GRM5: variants seen among roughly 807,000 people sequenced by gnomAD.
GRM5 encodes the protein glutamate metabotropic receptor 5.
Under a neutral mutation model 83.1 loss-of-function variants are expected in GRM5, and 19 were observed. The ratio of observed to expected loss-of-function variants is 0.23; its 90% CI spans 0.16 to 0.34. The LOEUF (loss-of-function observed/expected upper bound fraction) is 0.34. Ranked by LOEUF, GRM5 falls within the 10% of genes least tolerant of loss-of-function variation. The probability of loss-of-function intolerance (pLI) is 1.00; values close to 1 mark genes in which losing one functional copy is unlikely to be tolerated. For synonymous variants in GRM5, 675 were observed against 633.6 expected, an observed-to-expected ratio of 1.07 and a Z score of -0.98; for missense variants, 1,160 against 1,588.3, an observed-to-expected ratio of 0.73 and a Z score of 4.58.
chr11:88,520,815 C>G (rs1165208350), intron 9 of GRM5, among the ~76,000 whole-genome samples: 1 of 152,110 alleles, frequency 6.6e-6, no homozygotes, highest in African/African-American at 2.4e-5. Context: ...ATGACTCTTA[C>G]CAAATTCTCC....
intron 2 of GRM5, among the ~76,000 whole-genome samples, chr11:88,940,966 T>C (rs1392277143): frequency 1.3e-5 from 2 of 151,940 alleles, no homozygotes; most frequent in African/African-American, 4.8e-5. Flanking sequence ...GTTAAGTGCA[T>C]ACGCACAGTT....
At chr11:88,707,393 G>A (rs1016393654) in intron 3 of GRM5, among the ~76,000 whole-genome samples, 4 of 152,070 alleles carry the variant, frequency 2.6e-5, no homozygotes, top group African/African-American at 4.8e-5. Flanking sequence ...CACATGAGGG[G>A]AGATAGAGAT....
At chr11:88,994,677 A>G (rs1940120049) in intron 2 of GRM5, among the ~76,000 whole-genome samples, 1 of 148,724 alleles carries the variant, frequency 6.7e-6, no homozygotes, top group African/African-American at 2.4e-5. Flanking sequence ...TTTAACTCAG[A>G]TTAAGATTTT....
chr11:88,786,082 T>C (rs1476282305), intron 3 of GRM5, among the ~76,000 whole-genome samples: 2 of 152,146 alleles, frequency 1.3e-5, no homozygotes, highest in Non-Finnish European at 2.9e-5. Flanking sequence ...ATATTTGTCA[T>C]ACACTGTGCC....
In GRM5 at chr11:88,537,714, C is replaced by G. The variant is rs967200668; in HGVS notation, c.2631-12310G>C. ...TATGTAAATATATTGGAATGATTTA[C>G]TAGATATTCCATCAGATCTTGTGGT... On this transcript the variant is annotated intron_variant, in intron 8 of 9. Transcript: ENST00000305447. Among the ~76,000 whole-genome samples, 3 of 152,152 alleles carry G rather than the reference C, an allele frequency of 2.0e-5. No homozygotes were observed. The East Asian group carries it at 5.8e-4, about 29-fold the overall frequency.
At chr11:88,632,246 A>ATTT (rs1938994881) in intron 4 of GRM5, among the ~76,000 whole-genome samples, 1 of 94,274 alleles carries the variant, frequency 1.1e-5, no homozygotes, top group Non-Finnish European at 2.4e-5. Context: ...CACAGTATGT[A>ATTT]CTTTTTTTTT....
chr11:88,647,704 A>G (rs946826013), intron 4 of GRM5, among the ~76,000 whole-genome samples: 3 of 152,090 alleles, frequency 2.0e-5, no homozygotes, highest in South Asian at 2.1e-4. Flanking sequence ...ACTACCATCA[A>G]AGTGAACAGG....
At chr11:88,861,747 T>A (rs1200444440) in intron 2 of GRM5, among the ~76,000 whole-genome samples, 1 of 151,972 alleles carries the variant, frequency 6.6e-6, no homozygotes, top group African/African-American at 2.4e-5. Context: ...CCAGAGTGAG[T>A]GCTGGGATTA....
intron 5 of GRM5, 91 bp downstream of exon 5, chr11:88,604,627 T>C: frequency 9.2e-7 from 1 of 1,086,838 alleles, no homozygotes; most frequent in East Asian, 2.4e-5. Flanking sequence ...GAAACCTAGA[T>C]TAACCACAAA....
At chr11:88,720,136 A>C (rs546036869) in intron 3 of GRM5, among the ~76,000 whole-genome samples, 75 of 152,180 alleles carry the variant, frequency 4.9e-4, no homozygotes, top group African/African-American at 1.8e-3. Flanking sequence ...TATCCAATTG[A>C]TAGTTGTTGA....
Position 88,506,914 on chromosome 11 carries a change from A to T in GRM5, c.*1678T>A, listed in dbSNP as rs928974314. On this transcript the variant is annotated 3_prime_UTR_variant, in exon 10 of 10. Coordinates refer to ENST00000305447, the MANE Select transcript of GRM5 (RefSeq NM_001143831.3). ...TTTATTTATTATTCTCTCTGCCAAAATATACTTCTGCCTCACAGCACATAT... is the reference window on the plus strand; with the variant it reads ...TTTATTTATTATTCTCTCTGCCAAATTATACTTCTGCCTCACAGCACATAT... 1 of 151,300 alleles carries T rather than the reference A, an allele frequency of 6.6e-6. No individual in the cohort carries two copies. The highest frequency in any genetic ancestry group is 1.5e-5 in the Non-Finnish European group (1 of 68,036). 9.4% of individuals were successfully genotyped at this position (151,300 alleles called of 1,614,324 possible).
At chr11:88,553,159 T>C (rs1478749239) in intron 8 of GRM5, among the ~76,000 whole-genome samples, 3 of 152,226 alleles carry the variant, frequency 2.0e-5, no homozygotes, top group African/African-American at 4.8e-5. Context: ...GAGTGAATGA[T>C]GAAATCAATT....
chr11:88,710,461 A>G (rs117856943), intron 3 of GRM5, among the ~76,000 whole-genome samples: 1,888 of 152,230 alleles, frequency 0.012, 65 homozygotes, highest in Non-Finnish European at 0.013. Context: ...AAATCATGGT[A>G]CTGTCACTTA....
intron 3 of GRM5, among the ~76,000 whole-genome samples, chr11:88,719,874 G>T (rs969960204): frequency 6.6e-6 from 1 of 152,032 alleles, no homozygotes. Context: ...TTTGAAAAAT[G>T]CCTGTTCATG....
At chr11:88,663,131 G>A (rs1437023260) in intron 3 of GRM5, among the ~76,000 whole-genome samples, 2 of 152,300 alleles carry the variant, frequency 1.3e-5, no homozygotes, top group East Asian at 3.9e-4. Flanking sequence ...GTTAATATTT[G>A]AAGAGATAAA....
intron 3 of GRM5, among the ~76,000 whole-genome samples, chr11:88,712,467 G>T (rs915200623): frequency 6.6e-6 from 1 of 151,938 alleles, no homozygotes; most frequent in Non-Finnish European, 1.5e-5. Context: ...ATTTCATCTT[G>T]CACTGAAAGT....
intron 1 of GRM5, among the ~76,000 whole-genome samples, chr11:89,058,059 A>C (rs1377924499): frequency 6.6e-6 from 1 of 152,060 alleles, no homozygotes; most frequent in Non-Finnish European, 1.5e-5. Flanking sequence ...CAAACTTAAT[A>C]AACAAATAAT....
chr11:88,784,847 C>T (rs16914849), intron 3 of GRM5, among the ~76,000 whole-genome samples: 5,543 of 152,082 alleles, frequency 0.036, 268 homozygotes, highest in Admixed American at 0.15. Flanking sequence ...TCTCTGGTCA[C>T]ATGTTGCAAA....
At chr11:89,057,686 A>G (rs1442009760) in intron 1 of GRM5, among the ~76,000 whole-genome samples, 1 of 152,132 alleles carries the variant, frequency 6.6e-6, no homozygotes. Flanking sequence ...ACTTTTACAC[A>G]TCCTGTAGCC....
Sources: allele counts gnomAD v4.1 joint callset (sites outside exome capture counted in the v4.1 genomes callset), GRCh38; gene constraint gnomAD v4.1.1; transcripts MANE v1.5; gene names NCBI Gene and HGNC (gene_info 2026-07-23, HGNC 2026-07-21).